RPS6KC1: variants seen among roughly 807,000 people sequenced by gnomAD.
The protein encoded by RPS6KC1 is inactive ribosomal protein S6 kinase delta-1.
Under a neutral mutation model 103.8 loss-of-function variants are expected in RPS6KC1, and 54 were observed. The observed-to-expected ratio is 0.52, with a 90% CI of 0.42 to 0.65. RPS6KC1 has a LOEUF of 0.65. Among genes scored for constraint, RPS6KC1 ranks in the 30% least tolerant of loss-of-function variants. The pLI, the probability that RPS6KC1 is intolerant of heterozygous loss-of-function variation, is 0.00. For synonymous variants in RPS6KC1, 439 were observed against 438.7 expected (o/e 1.00, Z -0.01); for missense variants, 1,151 against 1,253.8 (o/e 0.92, Z 1.24).
chr1:213,554,158 G>A, the RPS6KC1 span, among the ~76,000 whole-genome samples: 1 of 152,228 alleles, frequency 6.6e-6, no homozygotes, highest in South Asian at 2.1e-4. Context: ...ATAGTTTTAG[G>A]TTTGACATTT....
the RPS6KC1 span, among the ~76,000 whole-genome samples, chr1:213,425,314 C>G: frequency 6.6e-6 from 1 of 152,080 alleles, no homozygotes; most frequent in Non-Finnish European, 1.5e-5. Context: ...CATCGGACAC[C>G]AAATATTCTC....
chr1:213,733,565 G>A, the RPS6KC1 span, among the ~76,000 whole-genome samples: 3 of 72,806 alleles, frequency 4.1e-5, no homozygotes, highest in Non-Finnish European at 8.5e-5. Flanking sequence ...TTTTTTTTTT[G>A]AGGAAACTCC....
chr1:213,101,508 C>T (rs540876937), intron 3 of RPS6KC1, among the ~76,000 whole-genome samples: 5 of 152,236 alleles, frequency 3.3e-5, no homozygotes, highest in Admixed American at 1.3e-4. Flanking sequence ...GACATTTATT[C>T]CATTGCTTAA....
chr1:213,418,142 T>C, the RPS6KC1 span, among the ~76,000 whole-genome samples: 2 of 152,182 alleles, frequency 1.3e-5, no homozygotes, highest in Non-Finnish European at 2.9e-5. Context: ...GAATGAGCAG[T>C]CTGCATTTGA....
the RPS6KC1 span, among the ~76,000 whole-genome samples, chr1:213,520,906 A>G: frequency 6.6e-6 from 1 of 152,254 alleles, no homozygotes; most frequent in Non-Finnish European, 1.5e-5. Context: ...ACACATAGTA[A>G]GAAAAACATA....
At position 213,230,568 on chromosome 1, in the gene RPS6KC1, G is replaced by A. The variant is rs375204520; in HGVS notation, c.1092+24G>A. On this transcript the variant is annotated intron_variant, in intron 9 of 14. Coordinates refer to ENST00000366960, the MANE Select transcript of RPS6KC1 (RefSeq NM_012424.6). ...AAGTAAGTAAAATTTGTAGCCAGGC[G>A]CGGTGCCTATAATTCCAGCACTTTG... 1.3e-4 allele frequency: 208 copies of A among 1,588,298 alleles called. 5 individuals carry two copies. The South Asian group carries it at 1.5e-3, about 11-fold the overall frequency.
At chr1:213,757,754 G>T in the RPS6KC1 span, among the ~76,000 whole-genome samples, 1 of 152,188 alleles carries the variant, frequency 6.6e-6, no homozygotes, top group African/African-American at 2.4e-5. Flanking sequence ...CATAGCTGGA[G>T]AGAAGTCCAT....
At chr1:213,498,590 G>T in the RPS6KC1 span, among the ~76,000 whole-genome samples, 1 of 151,806 alleles carries the variant, frequency 6.6e-6, no homozygotes, top group East Asian at 1.9e-4. Flanking sequence ...GAGTAGCTGG[G>T]ACTACAGGCG....
chr1:213,754,670 C>T, the RPS6KC1 span, among the ~76,000 whole-genome samples: 1 of 152,212 alleles, frequency 6.6e-6, no homozygotes, highest in Non-Finnish European at 1.5e-5. Context: ...CAGATGCTGC[C>T]GTGCTTCCTC....
rs1201966198 is a variant in RPS6KC1, at chr1:213,241,379, C to A, written c.1903C>A (p.Leu635Ile). 6.2e-7 allele frequency: 1 copy of A among 1,613,894 alleles called. No homozygotes were observed. Among genetic ancestry groups the A allele is most frequent in the Non-Finnish European group, 8.5e-7 (1 of 1,179,916 alleles). ...AGAACCTTTGAAACCATTCTTTACT[C>A]TTCCAGATGGAGACAGTGCTTCTAG... is the stretch of plus-strand genomic sequence containing the variant. The part of the protein sequence containing the change: ...KSEPLKPFFT[L>I]PDGDSASRSF... The change falls in exon 11 of 15, where the codon CTT becomes ATT. Residue 635 changes from leucine to isoleucine, a missense_variant. Transcript: ENST00000366960.
chr1:213,699,582 G>C, the RPS6KC1 span, among the ~76,000 whole-genome samples: 1 of 152,132 alleles, frequency 6.6e-6, no homozygotes, highest in Non-Finnish European at 1.5e-5. Flanking sequence ...CCAGCAGTGG[G>C]ATTGCTGGAT....
At chr1:213,302,544 A>G in the RPS6KC1 span, among the ~76,000 whole-genome samples, 1 of 152,254 alleles carries the variant, frequency 6.6e-6, no homozygotes, top group Non-Finnish European at 1.5e-5. Context: ...GCCATTTGTA[A>G]TACTTACATT....
At chr1:213,552,634 G>A in the RPS6KC1 span, among the ~76,000 whole-genome samples, 6 of 152,054 alleles carry the variant, frequency 3.9e-5, no homozygotes, top group East Asian at 1.9e-4. Flanking sequence ...CTCCCAGGCC[G>A]TGGCTTGTTT....
the RPS6KC1 span, among the ~76,000 whole-genome samples, chr1:213,410,080 A>G: frequency 2.6e-5 from 4 of 152,224 alleles, no homozygotes; most frequent in Non-Finnish European, 5.9e-5. Flanking sequence ...GCTTGAGCCC[A>G]GGAGTTTGAG....
At chr1:213,500,243 T>G in the RPS6KC1 span, among the ~76,000 whole-genome samples, 1 of 152,174 alleles carries the variant, frequency 6.6e-6, no homozygotes, top group Non-Finnish European at 1.5e-5. Flanking sequence ...TATTAAAAAC[T>G]AAGACACAAA....
At chr1:213,079,153 T>C (rs887171499) in intron 3 of RPS6KC1, among the ~76,000 whole-genome samples, 3 of 152,188 alleles carry the variant, frequency 2.0e-5, no homozygotes, top group African/African-American at 7.2e-5. Context: ...AATTTTAATA[T>C]GTACATAGTA....
intron 3 of RPS6KC1, 92 bp downstream of exon 3, chr1:213,077,908 C>T: frequency 1.7e-6 from 1 of 594,802 alleles, no homozygotes. Flanking sequence ...AAGTCAGAAG[C>T]CCTTTTACTT....
chr1:213,201,263 A>G (rs1003303126), intron 8 of RPS6KC1, among the ~76,000 whole-genome samples: 6 of 152,230 alleles, frequency 3.9e-5, no homozygotes, highest in Non-Finnish European at 7.3e-5. Context: ...AGACAATGGA[A>G]TGTTACTCAC....
At chr1:213,249,458 G>T (rs532173773) in intron 12 of RPS6KC1, among the ~76,000 whole-genome samples, 2 of 152,328 alleles carry the variant, frequency 1.3e-5, no homozygotes, top group Non-Finnish European at 2.9e-5. Context: ...AAGGCAAGTA[G>T]GATTTCTGAA....
Sources: gnomAD v4.1 joint callset for allele counts (sites outside exome capture counted in the v4.1 genomes callset) on GRCh38, gnomAD v4.1.1 for gene constraint, MANE v1.5 for transcripts, NCBI Gene and HGNC (gene_info 2026-07-23, HGNC 2026-07-21) for gene names.